Variants in PDGFB observed in about 807,000 individuals in gnomAD.
The protein encoded by PDGFB is platelet derived growth factor subunit B.
In PDGFB, 6 loss-of-function variants were observed where a neutral mutation model predicts 29.0. That is an observed-to-expected ratio of 0.21 (90% CI 0.11 to 0.41). The LOEUF (loss-of-function observed/expected upper bound fraction) is 0.41, where lower values mean the gene tolerates loss of function less well. Among genes scored for constraint, PDGFB ranks in the 10% least tolerant of loss-of-function variants. The probability of loss-of-function intolerance (pLI) is 1.00; values close to 1 mark genes in which losing one functional copy is unlikely to be tolerated. For missense variants in PDGFB, 299 were observed against 341.8 expected (o/e 0.87, Z 0.99); for synonymous variants, 144 against 140.8 (o/e 1.02, Z -0.16).
rs1354883170 is a variant in PDGFB at position 39,242,156 on chromosome 22, T to TGC, written c.63+1743_63+1744dup. ...GGGCCGTGCGTGCGTTTGTGTGCGG[T>TGC]GCGCGCGCGTGTGTCCCGCGTGTGC... On this transcript the variant is annotated intron_variant, in intron 1 of 6. Coordinates refer to ENST00000331163, the MANE Select transcript of PDGFB (RefSeq NM_002608.4). The surrounding 1 kb of genome is among the most constrained non-coding windows in gnomAD (Gnocchi z 5.7). The TGC allele has an allele frequency of 4.6e-6, 1 of 218,872 alleles. No homozygotes were observed. The highest frequency in any genetic ancestry group is 2.3e-5 in the African/African-American group (1 of 44,306). 13.6% of individuals were successfully genotyped at this position (218,872 alleles called of 1,614,324 possible).
Position 39,244,060 on chromosome 22 carries a change from G to T in PDGFB, c.-97C>A. ...GGGGGCTGGGGAGGGGGGTGGGCTC[G>T]GCTCGGGTCCGCGGCGATCAGGCGC... On this transcript the variant is annotated 5_prime_UTR_variant, in exon 1 of 7. Coordinates refer to ENST00000331163, the MANE Select transcript of PDGFB (RefSeq NM_002608.4). This position sits in a 1 kb window ranked among gnomAD's most constrained non-coding sequence, Gnocchi z 4.5. The T allele has an allele frequency of 1.7e-6, 1 of 596,850 alleles. No individual in the cohort carries two copies. The highest frequency in any genetic ancestry group is 2.7e-5 in the South Asian group (1 of 36,422). 37.0% of individuals were successfully genotyped at this position (596,850 alleles called of 1,614,324 possible).
chr22:39,230,537 G>A lies in PDGFB; in HGVS notation c.457-309C>T, dbSNP rs117102928. 0.015 allele frequency among the ~76,000 whole-genome samples: 2,257 copies of A among 152,372 alleles called. 25 individuals are homozygous for A. The highest frequency in any genetic ancestry group is 0.022 in the Admixed American group (340 of 15,312). On this transcript the variant is annotated intron_variant, in intron 4 of 6. Transcript: ENST00000331163. ...CCTGCGGTATCCTCATTCCCGGAGC[G>A]CCAGCCAAGGTCAGGGCTGCGGCAG...
chr22:39,242,980 G>A lies in PDGFB; in HGVS notation c.63+921C>T. 4.3e-6 allele frequency: 1 copy of A among 233,158 alleles called. No homozygotes were observed. Among genetic ancestry groups the A allele is most frequent in the East Asian group, 6.0e-5 (1 of 16,564 alleles). The allele number at this position is 233,158 out of a possible 1,614,324, so 14.4% of individuals were successfully genotyped here. A position where few individuals can be genotyped will look rare whatever the true frequency, so the allele number is the denominator to read the frequency against. The stretch of plus-strand genomic sequence containing the variant: ...GGCTACGTGAGGCTGGGAGGGGTGG[G>A]GACGGCTCCGACCCCAGCGCTCCCT... On this transcript the variant is annotated intron_variant, in intron 1 of 6. Transcript: ENST00000331163. The surrounding 1 kb of genome is among the most constrained non-coding windows in gnomAD (Gnocchi z 5.7).
In PDGFB at chr22:39,235,406, C is replaced by T. The variant is rs555633048; in HGVS notation, c.160+372G>A. Among the ~76,000 whole-genome samples the T allele has an allele frequency of 4.6e-5, 7 of 152,320 alleles. No individual in the cohort carries two copies. In the South Asian group the frequency reaches 6.2e-4, roughly 14 times the overall value. On this transcript the variant is annotated intron_variant, in intron 2 of 6. Transcript: ENST00000331163. ...GGTGTCCCCAGGGGACCTCACAGAC[C>T]GGGCCCCTAGCCAGAGGGGCGGGGA... is the stretch of plus-strand genomic sequence containing the variant.
At chr22:39,226,572 T>C (rs1932171308) in intron 5 of PDGFB, among the ~76,000 whole-genome samples, 1 of 152,224 alleles carries the variant, frequency 6.6e-6, no homozygotes, top group Admixed American at 6.5e-5. Context: ...CTGAGCCCAG[T>C]CAACCCCCAG....
chr22:39,233,377 C>T (rs1227661493), intron 3 of PDGFB, 58 bp downstream of exon 3: 9 of 1,357,930 alleles, frequency 6.6e-6, no homozygotes, highest in Non-Finnish European at 9.2e-6. Context: ...CGCCCCCGTT[C>T]TCTTTCCCTG....
Position 39,241,947 on chromosome 22 carries a change from C to A in PDGFB, c.63+1954G>T, listed in dbSNP as rs546853263. The stretch of plus-strand genomic sequence containing the variant: ...GGTGCTGTGGTGCTGATGGGAGGTT[C>A]TCCCTCCCTCACAGGACGCCAGGAA... On this transcript the variant is annotated intron_variant, in intron 1 of 6. Transcript: ENST00000331163. 5.3e-5 allele frequency among the ~76,000 whole-genome samples: 8 copies of A among 152,138 alleles called. No individual in the cohort carries two copies. The South Asian group carries it at 1.7e-3, about 32-fold the overall frequency.
chr22:39,231,544 TG>T lies in PDGFB; in HGVS notation c.456+77del. ...ACCACTCTGCCCAGTCAAGGAAGCC[TG>T]GTCAGGTATGAGCCCCAGAAGGGTG... On this transcript the variant is annotated intron_variant, in intron 4 of 6. Coordinates refer to ENST00000331163, the MANE Select transcript of PDGFB (RefSeq NM_002608.4). This position sits in a 1 kb window ranked among gnomAD's most constrained non-coding sequence, Gnocchi z 4.3. The T allele has an allele frequency of 9.3e-7, 1 of 1,073,714 alleles. No individual in the cohort carries two copies. The highest frequency in any genetic ancestry group is 1.3e-6 in the Non-Finnish European group (1 of 756,750). The allele number at this position is 1,073,714 out of a possible 1,614,324, so 66.5% of individuals were successfully genotyped here.
Position 39,230,071 on chromosome 22 carries a change from G to A in PDGFB, c.601+13C>T. 2 of 1,612,968 alleles carry A rather than the reference G, an allele frequency of 1.2e-6. No homozygotes were observed. The highest frequency in any genetic ancestry group is 1.7e-6 in the Non-Finnish European group (2 of 1,179,486). On this transcript the variant is annotated intron_variant, in intron 5 of 6. Coordinates refer to ENST00000331163, the MANE Select transcript of PDGFB (RefSeq NM_002608.4). ...GGAAGGGGGCTGAGGGCTGAGCCTG[G>A]AAAGGTGGTTACCTCGCTGCTCCTG...
At chr22:39,232,656 AT>A (rs537084415) in intron 3 of PDGFB, among the ~76,000 whole-genome samples, 7 of 151,970 alleles carry the variant, frequency 4.6e-5, no homozygotes, top group Non-Finnish European at 8.8e-5. Context: ...CGCCCAGCTA[AT>A]TTTTGTATTT....
chr22:39,227,393 C>T (rs935295106), intron 5 of PDGFB, among the ~76,000 whole-genome samples: 3 of 152,246 alleles, frequency 2.0e-5, no homozygotes, highest in Admixed American at 6.5e-5. Flanking sequence ...CACGCCCAGC[C>T]GATTTCCACA....
In PDGFB at chr22:39,242,935, G is replaced by C. The variant is rs1478998192; in HGVS notation, c.63+966C>G. On this transcript the variant is annotated intron_variant, in intron 1 of 6. Transcript: ENST00000331163. This position sits in a 1 kb window ranked among gnomAD's most constrained non-coding sequence, Gnocchi z 5.7. ...CCGCCCCCTTTCCCACCTGGATTCCGGGTAGACTTGCCAACTCACGGCTAC... is the reference window on the plus strand; with the variant it reads ...CCGCCCCCTTTCCCACCTGGATTCCCGGTAGACTTGCCAACTCACGGCTAC... 4.3e-6 allele frequency: 1 copy of C among 233,172 alleles called. No homozygotes were observed. The highest frequency in any genetic ancestry group is 8.5e-6 in the Non-Finnish European group (1 of 117,990). The allele number at this position is 233,172 out of a possible 1,614,324, so 14.4% of individuals were successfully genotyped here.
chr22:39,242,471 G>A lies in PDGFB; in HGVS notation c.63+1430C>T, dbSNP rs1247497172. 6.6e-6 allele frequency among the ~76,000 whole-genome samples: 1 copy of A among 150,516 alleles called. No individual in the cohort carries two copies. Among genetic ancestry groups the A allele is most frequent in the Non-Finnish European group, 1.5e-5 (1 of 67,424 alleles). On this transcript the variant is annotated intron_variant, in intron 1 of 6. Transcript: ENST00000331163. This position sits in a 1 kb window ranked among gnomAD's most constrained non-coding sequence, Gnocchi z 5.7. ...CCCAACAGCTGGCCGCGGCCCGGGG[G>A]GCTGCGGGAGAGGCGGAGAGGGGGC...
rs966912371 is a variant in PDGFB at position 39,244,024 on chromosome 22, C to T, written c.-61G>A. On this transcript the variant is annotated 5_prime_UTR_variant, in exon 1 of 7. Coordinates refer to ENST00000331163, the MANE Select transcript of PDGFB (RefSeq NM_002608.4). The surrounding 1 kb of genome is among the most constrained non-coding windows in gnomAD (Gnocchi z 4.5). ...GCGTAGATCGAGCGCGCCGCCCCCG[C>T]GGCCAGGGTGGGGGGCTGGGGAGGG... 1 of 531,236 alleles carries T rather than the reference C, an allele frequency of 1.9e-6. No individual in the cohort carries two copies. 32.9% of individuals were successfully genotyped at this position (531,236 alleles called of 1,614,324 possible). A position where few individuals can be genotyped will look rare whatever the true frequency, so the allele number is the denominator to read the frequency against.
rs1197813215 is a variant in PDGFB at position 39,242,251 on chromosome 22, C to T, written c.63+1650G>A. On this transcript the variant is annotated intron_variant, in intron 1 of 6. Transcript: ENST00000331163. The surrounding 1 kb of genome is among the most constrained non-coding windows in gnomAD (Gnocchi z 5.7). ...GTGCCCGTCGCTCTGCGCGCCCGCC[C>T]GCCGGAGCGCAGCATCGCCTCCGGC... 1 of 210,010 alleles carries T rather than the reference C, an allele frequency of 4.8e-6. No homozygotes were observed. The highest frequency in any genetic ancestry group is 9.7e-6 in the Non-Finnish European group (1 of 103,368). 13.0% of individuals were successfully genotyped at this position (210,010 alleles called of 1,614,324 possible). A position where few individuals can be genotyped will look rare whatever the true frequency, so the allele number is the denominator to read the frequency against.
At position 39,225,296 on chromosome 22, in the gene PDGFB, A is replaced by T. The variant is rs559674415; in HGVS notation, c.*46T>A. ...GGACCCCATGGGGGCAATACAGCAAATACCATATTAAATAACCCTGCAGGC... is the reference window on the plus strand; with the variant it reads ...GGACCCCATGGGGGCAATACAGCAATTACCATATTAAATAACCCTGCAGGC... On this transcript the variant is annotated 3_prime_UTR_variant, in exon 7 of 7. Transcript: ENST00000331163. 1 of 156,708 alleles carries T rather than the reference A, an allele frequency of 6.4e-6. No homozygotes were observed. The highest frequency in any genetic ancestry group is 2.4e-5 in the African/African-American group (1 of 41,448). The allele number at this position is 156,708 out of a possible 1,614,324, so 9.7% of individuals were successfully genotyped here.
intron 1 of PDGFB, among the ~76,000 whole-genome samples, chr22:39,237,138 G>T (rs964140339): frequency 6.6e-6 from 1 of 152,052 alleles, no homozygotes; most frequent in Non-Finnish European, 1.5e-5. Flanking sequence ...GCGAGGGAGA[G>T]GAGAAGAGGT....
intron 1 of PDGFB, among the ~76,000 whole-genome samples, chr22:39,239,172 T>A (rs902126088): frequency 1.3e-5 from 2 of 152,102 alleles, no homozygotes; most frequent in Non-Finnish European, 2.9e-5. Flanking sequence ...TCATCATCAT[T>A]AATTCTTTCC....
rs190073591 is a variant in PDGFB, at chr22:39,227,386, G to A, written c.602-1539C>T. On this transcript the variant is annotated intron_variant, in intron 5 of 6. Coordinates refer to ENST00000331163, the MANE Select transcript of PDGFB (RefSeq NM_002608.4). ...TGGGATTACAGGCGTGAGCCACCAC[G>A]CCCAGCCGATTTCCACATCTTTAAA... is the stretch of plus-strand genomic sequence containing the variant. Among the ~76,000 whole-genome samples, 952 of 152,270 alleles carry A rather than the reference G, an allele frequency of 6.3e-3. 13 individuals carry two copies. The highest frequency in any genetic ancestry group is 0.022 in the African/African-American group (906 of 41,536).
Sources: gnomAD v4.1 joint callset for allele counts (sites outside exome capture counted in the v4.1 genomes callset) on GRCh38, gnomAD v4.1.1 for gene constraint, Gnocchi (gnomAD v3.1) non-coding constraint, MANE v1.5 for transcripts, NCBI Gene and HGNC (gene_info 2026-07-23, HGNC 2026-07-21) for gene names.